SRL: variants seen among roughly 807,000 people sequenced by gnomAD.
The protein encoded by SRL is sarcalumenin.
SRL carries 23 observed loss-of-function variants against 39.5 expected under a neutral mutation model. The observed-to-expected ratio is 0.58, with a 90% CI of 0.42 to 0.82. The LOEUF (loss-of-function observed/expected upper bound fraction) is 0.82, where lower values mean the gene tolerates loss of function less well. Among genes scored for constraint, SRL ranks in the 40% least tolerant of loss-of-function variants. The pLI is 0.00. For synonymous variants in SRL, 272 were observed against 237.4 expected (o/e 1.15, Z -1.34); for missense variants, 592 against 607.8 (o/e 0.97, Z 0.27).
chr16:4,228,781 G>A (rs532300251), intron 1 of SRL, among the ~76,000 whole-genome samples: 1 of 152,046 alleles, frequency 6.6e-6, no homozygotes, highest in Non-Finnish European at 1.5e-5. Flanking sequence ...GAAAAGGCCT[G>A]AAGACCCCGG....
chr16:4,203,340 C>T, intron 2 of SRL, 79 bp from the exon 3 acceptor site: 4 of 1,180,182 alleles, frequency 3.4e-6, no homozygotes, highest in South Asian at 1.2e-5. Flanking sequence ...GGGGCCTCAC[C>T]ACCCAGGGCA....
intron 1 of SRL, among the ~76,000 whole-genome samples, chr16:4,235,227 C>T (rs2052703044): frequency 6.6e-6 from 1 of 152,204 alleles, no homozygotes; most frequent in South Asian, 2.1e-4. Context: ...ACAGGACTCC[C>T]AGAGCAAACT....
chr16:4,200,112 C>T (rs1341059155), intron 3 of SRL, among the ~76,000 whole-genome samples: 1 of 152,212 alleles, frequency 6.6e-6, no homozygotes, highest in African/African-American at 2.4e-5. Flanking sequence ...GTGTCTTATA[C>T]ATGGCAGGCA....
rs544207876 is a variant in SRL, at chr16:4,191,062, A to G, written c.*1091T>C. The G allele has an allele frequency of 6.6e-6, 1 of 152,276 alleles. No homozygotes were observed. Among genetic ancestry groups the G allele is most frequent in the East Asian group, 1.9e-4 (1 of 5,180 alleles). 9.4% of individuals were successfully genotyped at this position (152,276 alleles called of 1,614,324 possible). ...ACAAAGACGCACTGCAAACCAATTA[A>G]CCCTCTGAGCCCTTCCACGACCTTC... On this transcript the variant is annotated 3_prime_UTR_variant, in exon 6 of 6. Coordinates refer to ENST00000399609, the MANE Select transcript of SRL (RefSeq NM_001098814.2).
Position 4,207,319 on chromosome 16 carries a change from C to T in SRL, c.62-2685G>A, listed in dbSNP as rs779834908. 69 of 456,790 alleles carry T rather than the reference C, an allele frequency of 1.5e-4. 1 individual carries two copies. The highest frequency in any genetic ancestry group is 8.1e-4 in the South Asian group (52 of 64,570). 28.3% of individuals were successfully genotyped at this position (456,790 alleles called of 1,614,324 possible). A position where few individuals can be genotyped will look rare whatever the true frequency, so the allele number is the denominator to read the frequency against. The stretch of plus-strand genomic sequence containing the variant: ...GTGTCCCCTGCCTTAACGCTTTGGG[C>T]GCCCCCAGGCTCTGCACTGGCCTCT... On this transcript the variant is annotated intron_variant, in intron 1 of 5. Transcript: ENST00000399609.
chr16:4,220,739 A>G (rs1040053046), intron 1 of SRL, among the ~76,000 whole-genome samples: 1 of 152,144 alleles, frequency 6.6e-6, no homozygotes, highest in African/African-American at 2.4e-5. Context: ...AAACACTGAA[A>G]TAACTCTGGG....
intron 1 of SRL, among the ~76,000 whole-genome samples, chr16:4,215,198 G>A (rs1053678166): frequency 6.6e-6 from 1 of 152,206 alleles, no homozygotes; most frequent in Non-Finnish European, 1.5e-5. Flanking sequence ...GTCCTCTTCT[G>A]CCATTCTCTC....
intron 1 of SRL, among the ~76,000 whole-genome samples, chr16:4,228,922 C>T (rs1413597759): frequency 6.6e-6 from 1 of 151,980 alleles, no homozygotes; most frequent in East Asian, 1.9e-4. Flanking sequence ...CCACCCACAG[C>T]GAGAAGACAC....
chr16:4,229,570 G>A (rs781476949), intron 1 of SRL, among the ~76,000 whole-genome samples: 1 of 152,084 alleles, frequency 6.6e-6, no homozygotes, highest in East Asian at 1.9e-4. Flanking sequence ...ATAAGTGGGA[G>A]CTAAGCATTG....
rs1597296964 is a variant in SRL at position 4,232,794 on chromosome 16, G to C, written c.61+9213C>G. ...CCCAAAGTGCTGGGATTGCAGGCAA[G>C]AGCCACCGTGCCCAGCCTAGGGGAA... On this transcript the variant is annotated intron_variant, in intron 1 of 5. Coordinates refer to ENST00000399609, the MANE Select transcript of SRL (RefSeq NM_001098814.2). 2.0e-5 allele frequency among the ~76,000 whole-genome samples: 3 copies of C among 152,352 alleles called. No individual in the cohort carries two copies. The East Asian group carries it at 5.8e-4, about 29-fold the overall frequency.
intron 1 of SRL, among the ~76,000 whole-genome samples, chr16:4,212,968 A>G (rs1322797517): frequency 6.6e-6 from 1 of 152,196 alleles, no homozygotes; most frequent in Non-Finnish European, 1.5e-5. Flanking sequence ...AGGACTATGG[A>G]GTTGCCAAGG....
chr16:4,206,177 C>G (rs924253837), intron 1 of SRL, among the ~76,000 whole-genome samples: 5 of 152,256 alleles, frequency 3.3e-5, no homozygotes, highest in African/African-American at 1.2e-4. Flanking sequence ...GGCCCCGAGC[C>G]CTTTGAGGGC....
At chr16:4,198,725 C>G (rs2052181823) in intron 3 of SRL, among the ~76,000 whole-genome samples, 1 of 152,170 alleles carries the variant, frequency 6.6e-6, no homozygotes, top group African/African-American at 2.4e-5. Flanking sequence ...GGGATTACAG[C>G]TATGAACCAT....
chr16:4,212,549 C>T (rs1034771741), intron 1 of SRL, among the ~76,000 whole-genome samples: 2 of 152,220 alleles, frequency 1.3e-5, no homozygotes, highest in African/African-American at 4.8e-5. Context: ...CCAGGACACC[C>T]TGGAGAGGTG....
At position 4,198,184 on chromosome 16, in the gene SRL, C is replaced by T. The variant is rs764862768; in HGVS notation, c.260-269G>A. Among the ~76,000 whole-genome samples the T allele has an allele frequency of 5.1e-4, 78 of 152,222 alleles. 2 individuals are homozygous for T. The highest frequency in any genetic ancestry group is 4.3e-4 in the Non-Finnish European group (29 of 68,040). On this transcript the variant is annotated intron_variant, in intron 3 of 5. Coordinates refer to ENST00000399609, the MANE Select transcript of SRL (RefSeq NM_001098814.2). Reference sequence around the variant, plus strand: ...AGGATCTCAGTGAATTCAACAAACCCTGACTCCGAACTCACTCTGGGTGAG... The same window carrying T: ...AGGATCTCAGTGAATTCAACAAACCTTGACTCCGAACTCACTCTGGGTGAG...
At chr16:4,205,252 T>C (rs1290797060) in intron 1 of SRL, among the ~76,000 whole-genome samples, 2 of 152,010 alleles carry the variant, frequency 1.3e-5, no homozygotes. Context: ...AGGTCAAGGC[T>C]GCAGTGAGCC....
intron 1 of SRL, among the ~76,000 whole-genome samples, chr16:4,221,738 G>A (rs776590179): frequency 2.0e-5 from 3 of 152,170 alleles, no homozygotes; most frequent in African/African-American, 7.2e-5. Flanking sequence ...AGTCCTAGAG[G>A]CCAGACGTCT....
chr16:4,228,501 C>T (rs184165663), intron 1 of SRL, among the ~76,000 whole-genome samples: 42 of 151,938 alleles, frequency 2.8e-4, no homozygotes, highest in African/African-American at 8.7e-4. Flanking sequence ...TTTGGGAGGC[C>T]GAGGCGGGCG....
rs868106826 is a variant in SRL at position 4,200,027 on chromosome 16, C to A, written c.260-2112G>T. Among the ~76,000 whole-genome samples, 3 of 152,170 alleles carry A rather than the reference C, an allele frequency of 2.0e-5. No individual in the cohort carries two copies. The South Asian group carries it at 6.2e-4, about 31-fold the overall frequency. ...TTTTTACAGAGAGCGTTGCCATATG[C>A]TTCCTCTTCTGTATCTTGCCTTCGG... is the stretch of plus-strand genomic sequence containing the variant. On this transcript the variant is annotated intron_variant, in intron 3 of 5. Transcript: ENST00000399609.
Sources: gnomAD v4.1 joint callset for allele counts (sites outside exome capture counted in the v4.1 genomes callset) on GRCh38, gnomAD v4.1.1 for gene constraint, MANE v1.5 for transcripts, NCBI Gene and HGNC (gene_info 2026-07-23, HGNC 2026-07-21) for gene names.